HMCES: variants seen among roughly 807,000 people sequenced by gnomAD.
HMCES encodes the protein abasic site processing protein HMCES.
Under a neutral mutation model 35.1 loss-of-function variants are expected in HMCES, and 27 were observed. That is an observed-to-expected ratio of 0.77 (90% confidence interval 0.57 to 1.06). The LOEUF is 1.06. Ranked by LOEUF, HMCES falls within the 50% of genes least tolerant of loss-of-function variation. HMCES has a pLI of 0.00. For missense variants in HMCES, 391 were observed against 430.4 expected, an observed-to-expected ratio of 0.91 and a Z score of 0.81; for synonymous variants, 130 against 154.7, an observed-to-expected ratio of 0.84 and a Z score of 1.18.
At chr3:129,282,877 T>G (rs766211460) in intron 2 of HMCES, among the ~76,000 whole-genome samples, 16 of 152,196 alleles carry the variant, frequency 1.1e-4, no homozygotes, top group Non-Finnish European at 1.5e-4. Context: ...GGTCTTAGTA[T>G]TTTGGCTTTT....
At chr3:129,299,648 C>CTTTTTT (rs34382705) in intron 5 of HMCES, among the ~76,000 whole-genome samples, 12 of 110,100 alleles carry the variant, frequency 1.1e-4, no homozygotes, top group African/African-American at 1.7e-4. Flanking sequence ...ATAGGTGCTT[C>CTTTTTT]TTTTTTTTTT....
At position 129,304,878 on chromosome 3, in the gene HMCES, A is replaced by G. The variant is rs761981342; in HGVS notation, c.*53A>G. 1.5e-6 allele frequency: 2 copies of G among 1,373,118 alleles called. No individual in the cohort carries two copies. Among genetic ancestry groups the G allele is most frequent in the Non-Finnish European group, 1.0e-6 (1 of 964,004 alleles). The allele number at this position is 1,373,118 out of a possible 1,614,324, so 85.1% of individuals were successfully genotyped here. On this transcript the variant is annotated 3_prime_UTR_variant, in exon 7 of 7. Coordinates refer to ENST00000383463, the MANE Select transcript of HMCES (RefSeq NM_020187.3). ...GGTCTGCTGCACTGCTGTTCTGATA[A>G]TAGGTTCTTAACATTGTATGTATAT... is the stretch of plus-strand genomic sequence containing the variant.
chr3:129,292,776 G>T (rs112962786), intron 4 of HMCES, among the ~76,000 whole-genome samples: 1 of 152,050 alleles, frequency 6.6e-6, no homozygotes, highest in South Asian at 2.1e-4. Context: ...GAGCCACTGC[G>T]CCTGGCCGAG....
intron 2 of HMCES, among the ~76,000 whole-genome samples, chr3:129,287,168 T>TAGTA (rs1940658946): frequency 6.6e-6 from 1 of 151,990 alleles, no homozygotes; most frequent in Non-Finnish European, 1.5e-5. Context: ...ACGAAAAATG[T>TAGTA]AGTAATGTAT....
At chr3:129,291,810 G>A (rs1232562084) in intron 4 of HMCES, among the ~76,000 whole-genome samples, 1 of 152,160 alleles carries the variant, frequency 6.6e-6, no homozygotes, top group Admixed American at 6.6e-5. Context: ...AGTGGTTCAG[G>A]CCAGGCACGG....
chr3:129,288,730 CCT>C, intron 2 of HMCES, 122 bp from the exon 3 acceptor site: 1 of 814,688 alleles, frequency 1.2e-6, no homozygotes. Context: ...AAGTAGATTC[CCT>C]GTTTAAAAAT....
At chr3:129,281,359 A>T (rs1940475888) in intron 2 of HMCES, among the ~76,000 whole-genome samples, 1 of 152,032 alleles carries the variant, frequency 6.6e-6, no homozygotes, top group African/African-American at 2.4e-5. Context: ...GTCAAAAAGG[A>T]CTCATTTCTG....
At chr3:129,290,344 G>A (rs1024117769) in intron 3 of HMCES, among the ~76,000 whole-genome samples, 2 of 151,978 alleles carry the variant, frequency 1.3e-5, no homozygotes, top group African/African-American at 2.4e-5. Context: ...GAGTGCAGTG[G>A]CATGATCTTG....
At position 129,279,874 on chromosome 3, in the gene HMCES, T is replaced by C. The variant is rs1359667284; in HGVS notation, c.142T>C (p.Ser48Pro). The change falls in exon 2 of 7, where the codon TCC becomes CCC. Residue 48 changes from serine (S) to proline (P), a missense_variant. Coordinates refer to ENST00000383463, the MANE Select transcript of HMCES (RefSeq NM_020187.3). The surrounding 1 kb of genome is among the most constrained non-coding windows in gnomAD (Gnocchi z 4.2). Reference sequence around the variant, plus strand: ...CCCCTCTTACAACAAGAGTCCTCAATCCAACAGCCCAGTGCTTCTGTCTCG... The same window carrying C: ...CCCCTCTTACAACAAGAGTCCTCAACCCAACAGCCCAGTGCTTCTGTCTCG... ...YCPSYNKSPQ[S>P]NSPVLLSRLH... 6.2e-7 allele frequency: 1 copy of C among 1,609,782 alleles called. No individual in the cohort carries two copies. The highest frequency in any genetic ancestry group is 8.5e-7 in the Non-Finnish European group (1 of 1,178,484).
At chr3:129,285,764 T>C (rs79867416) in intron 2 of HMCES, among the ~76,000 whole-genome samples, 1 of 148,708 alleles carries the variant, frequency 6.7e-6, no homozygotes, top group Non-Finnish European at 1.5e-5. Flanking sequence ...TTTTTTTTTT[T>C]CCATCAGAGT....
intron 3 of HMCES, among the ~76,000 whole-genome samples, chr3:129,289,916 G>A (rs866766846): frequency 1.3e-5 from 2 of 152,044 alleles, no homozygotes; most frequent in African/African-American, 2.4e-5. Context: ...GGCCGGGCAC[G>A]GTGGCTCACA....
At chr3:129,285,520 C>T (rs567494124) in intron 2 of HMCES, among the ~76,000 whole-genome samples, 26 of 151,780 alleles carry the variant, frequency 1.7e-4, no homozygotes, top group Non-Finnish European at 3.2e-4. Context: ...GGCACAAACT[C>T]GGCTCACTGC....
At chr3:129,286,383 C>G (rs149339880) in intron 2 of HMCES, among the ~76,000 whole-genome samples, 2,804 of 152,264 alleles carry the variant, frequency 0.018, 42 homozygotes, top group Middle Eastern at 0.031. Context: ...ACCAAATCTG[C>G]TGGCACCTTA....
chr3:129,284,999 T>C (rs989055841), intron 2 of HMCES, among the ~76,000 whole-genome samples: 2 of 152,204 alleles, frequency 1.3e-5, no homozygotes, highest in African/African-American at 4.8e-5. Flanking sequence ...AGGGATTAGC[T>C]TTTAAACAAA....
At chr3:129,284,545 C>G (rs1940583404) in intron 2 of HMCES, among the ~76,000 whole-genome samples, 1 of 152,164 alleles carries the variant, frequency 6.6e-6, no homozygotes, top group Non-Finnish European at 1.5e-5. Context: ...GTTCAGTACT[C>G]AAAGCAACTT....
chr3:129,304,260 G>A (rs901169982), intron 6 of HMCES, among the ~76,000 whole-genome samples: 1 of 152,116 alleles, frequency 6.6e-6, no homozygotes, highest in Non-Finnish European at 1.5e-5. Context: ...CTCCAGTCTC[G>A]TTTTCCAACA....
At chr3:129,300,803 G>T (rs574452679) in intron 5 of HMCES, among the ~76,000 whole-genome samples, 2 of 152,106 alleles carry the variant, frequency 1.3e-5, no homozygotes, top group South Asian at 4.1e-4. Flanking sequence ...GGCTGAGGCG[G>T]GTGGATCATG....
In HMCES at chr3:129,304,748, A is replaced by G. The variant is rs2071214749; in HGVS notation, c.988A>G (p.Thr330Ala). The change falls in exon 7 of 7, where the codon ACT becomes GCT. Residue 330 changes from threonine to alanine, a missense_variant. Thr to Ala is a moderately conservative substitution (Grantham distance 58). Transcript: ENST00000383463. ...QKSPLPTKRGTAGLLEQWLKR... is the reference protein window; with the variant it reads ...QKSPLPTKRGAAGLLEQWLKR... Reference sequence around the variant, plus strand: ...GAGTCCACTCCCCACCAAGAGAGGCACTGCAGGACTCCTAGAGCAATGGCT... The same window carrying G: ...GAGTCCACTCCCCACCAAGAGAGGCGCTGCAGGACTCCTAGAGCAATGGCT... 16 of 1,614,186 alleles carry G rather than the reference A, an allele frequency of 9.9e-6. No individual in the cohort carries two copies. The highest frequency in any genetic ancestry group is 1.4e-5 in the Non-Finnish European group (16 of 1,180,030).
chr3:129,281,099 G>GAGTA (rs1940468114), intron 2 of HMCES, among the ~76,000 whole-genome samples: 1 of 152,064 alleles, frequency 6.6e-6, no homozygotes, highest in South Asian at 2.1e-4. Flanking sequence ...GCACGCACCT[G>GAGTA]TAGTCCCAGT....
Sources: allele counts gnomAD v4.1 joint callset (sites outside exome capture counted in the v4.1 genomes callset), GRCh38; gene constraint gnomAD v4.1.1; non-coding constraint Gnocchi (gnomAD v3.1); transcripts MANE v1.5; gene names NCBI Gene and HGNC (gene_info 2026-07-23, HGNC 2026-07-21).